Variants in HECTD3 observed in about 807,000 individuals in gnomAD.
HECTD3 encodes the protein E3 ubiquitin-protein ligase HECTD3.
Under a neutral mutation model 109.3 loss-of-function variants are expected in HECTD3, and 72 were observed. The observed-to-expected ratio is 0.66, with a 90% confidence interval of 0.54 to 0.80. The LOEUF (loss-of-function observed/expected upper bound fraction) is 0.80. Ranked by LOEUF, HECTD3 falls within the 30% of genes least tolerant of loss-of-function variation. HECTD3 has a pLI of 0.00. For synonymous variants in HECTD3, 481 were observed against 471.8 expected (o/e 1.02, Z -0.25); for missense variants, 1,041 against 1,165.2 (o/e 0.89, Z 1.55).
chr1:45,003,865 C>G lies in HECTD3; in HGVS notation c.2419G>C (p.Asp807His). 1 of 1,613,148 alleles carries G rather than the reference C, an allele frequency of 6.2e-7. No homozygotes were observed. The highest frequency in any genetic ancestry group is 8.5e-7 in the Non-Finnish European group (1 of 1,179,438). Reference protein sequence around the residue: ...RLPARIYIYPDKLGYETTDAL... With the variant: ...RLPARIYIYPHKLGYETTDAL... ...CCCTCCAGCACTCACCCCAGCTTGT[C>G]TGGGTAGATGTAGATCCGTGCTGGC... is the stretch of plus-strand genomic sequence containing the variant. The change falls in exon 19 of 21, where the codon GAC becomes CAC. Residue 807 changes from aspartate to histidine, a missense_variant. Around this residue, in one of 2 missense-constraint regions of HECTD3, gnomAD observed 569 missense variants for 715.3 expected, o/e 0.80. Coordinates refer to ENST00000372172, the MANE Select transcript of HECTD3 (RefSeq NM_024602.6). The surrounding 1 kb of genome is among the most constrained non-coding windows in gnomAD (Gnocchi z 4.7).
At chr1:45,007,139 TGTGTGTG>T (rs1489193594) in intron 11 of HECTD3, 73 bp downstream of exon 11, 256 of 1,393,448 alleles carry the variant, frequency 1.8e-4, no homozygotes, top group Middle Eastern at 3.8e-4. Context: ...TGTGTGTGTG[TGTGTGTG>T]TGTGTGTGTG....
chr1:45,007,572 C>G lies in HECTD3; in HGVS notation c.1344G>C (p.Leu448=). The G allele has an allele frequency of 6.2e-7, 1 of 1,611,902 alleles. No individual in the cohort carries two copies. The highest frequency in any genetic ancestry group is 8.5e-7 in the Non-Finnish European group (1 of 1,179,980). ...CCACCAGGCCTGGCCGCTGGCGGGACAGCAGTAGGAACTGCTTCACTTGCT... is the reference window on the plus strand; with the variant it reads ...CCACCAGGCCTGGCCGCTGGCGGGAGAGCAGTAGGAACTGCTTCACTTGCT... ...EIKQVKQFLL[L]SRQRPGLVAQ... is the part of the protein sequence containing the mutation. Residue 448 remains leucine (L), a synonymous_variant, in exon 10 of 21, where the codon CTG becomes CTC. Transcript: ENST00000372172.
intron 16 of HECTD3, 81 bp from the exon 17 acceptor site, chr1:45,004,458 T>C (rs7528534): frequency 0.93 from 1,488,583 of 1,607,278 alleles, 690,004 homozygotes; most frequent in Middle Eastern, 0.96. Flanking sequence ...TGTGGCCTTT[T>C]AGCAGCAGAA....
chr1:45,009,840 T>A, intron 4 of HECTD3, 146 bp downstream of exon 4: 2 of 1,148,184 alleles, frequency 1.7e-6, no homozygotes, highest in Non-Finnish European at 2.5e-6. Flanking sequence ...AGGGGTCCTA[T>A]AGACGTCCAA....
Position 45,009,139 on chromosome 1 carries a change from C to T in HECTD3, c.1072+5G>A. The T allele has an allele frequency of 6.2e-7, 1 of 1,613,026 alleles. No homozygotes were observed. The highest frequency in any genetic ancestry group is 8.5e-7 in the Non-Finnish European group (1 of 1,179,000). On this transcript the variant is annotated splice_donor_5th_base_variant and intron_variant, in intron 7 of 20. Coordinates refer to ENST00000372172, the MANE Select transcript of HECTD3 (RefSeq NM_024602.6). Reference sequence around the variant, plus strand: ...TCTTTCCCTCCTTATAGCCTTAAACCTCACCTCGGCACTCCACGATGCGGA... The same window carrying T: ...TCTTTCCCTCCTTATAGCCTTAAACTTCACCTCGGCACTCCACGATGCGGA...
rs1236530805 is a variant in HECTD3 at position 45,007,269 on chromosome 1, T to C, written c.1506A>G (p.Val502=). The C allele has an allele frequency of 1.9e-6, 3 of 1,613,232 alleles. No individual in the cohort carries two copies. Among genetic ancestry groups the C allele is most frequent in the East Asian group, 2.2e-5 (1 of 44,860 alleles). Residue 502 remains valine, a splice_region_variant and synonymous_variant, in exon 11 of 21, where the codon GTA becomes GTG. Coordinates refer to ENST00000372172, the MANE Select transcript of HECTD3 (RefSeq NM_024602.6). ...TGTCAGAGGGCTTGAGGCCTTCATATACCTGGAGGCAAGGAGGAAAGGAGT... is the reference window on the plus strand; with the variant it reads ...TGTCAGAGGGCTTGAGGCCTTCATACACCTGGAGGCAAGGAGGAAAGGAGT... ...PACKNAVFTQ[V]YEGLKPSDKY...
At chr1:45,009,783 T>G (rs1462542006) in intron 4 of HECTD3, 100 bp from the exon 5 acceptor site, 7 of 1,137,912 alleles carry the variant, frequency 6.2e-6, no homozygotes, top group Non-Finnish European at 9.0e-6. Flanking sequence ...ATAGTGAAGT[T>G]GGGCTAACAG....
chr1:45,003,595 G>GC lies in HECTD3; in HGVS notation c.2502-20_2502-19insG, dbSNP rs760703648. ...CTTGGCACTGTGGGAATGGGGACTT[G>GC]GTCAGGTCCCTACATCGCTACCAGG... On this transcript the variant is annotated intron_variant, in intron 20 of 20. Coordinates refer to ENST00000372172, the MANE Select transcript of HECTD3 (RefSeq NM_024602.6). This position sits in a 1 kb window ranked among gnomAD's most constrained non-coding sequence, Gnocchi z 4.7. The GC allele has an allele frequency of 6.2e-7, 1 of 1,613,932 alleles. No homozygotes were observed. The highest frequency in any genetic ancestry group is 8.5e-7 in the Non-Finnish European group (1 of 1,179,808).
At chr1:45,007,749 C>T (rs908442338) in intron 9 of HECTD3, among the ~76,000 whole-genome samples, 154 bp from the exon 10 acceptor site, 6 of 152,188 alleles carry the variant, frequency 3.9e-5, no homozygotes, top group African/African-American at 1.4e-4. Context: ...TTAGTTCAGC[C>T]ACCAGGGAGA....
rs1644791911 is a variant in HECTD3, at chr1:45,011,310, G to A, written c.-53C>T. 17 of 1,350,080 alleles carry A rather than the reference G, an allele frequency of 1.3e-5. No homozygotes were observed. Among genetic ancestry groups the A allele is most frequent in the South Asian group, 1.8e-5 (1 of 55,460 alleles). 83.6% of individuals were successfully genotyped at this position (1,350,080 alleles called of 1,614,324 possible). A position where few individuals can be genotyped will look rare whatever the true frequency, so the allele number is the denominator to read the frequency against. On this transcript the variant is annotated 5_prime_UTR_variant, in exon 1 of 21. Coordinates refer to ENST00000372172, the MANE Select transcript of HECTD3 (RefSeq NM_024602.6). ...AGGCGACCCTGCCCGGGGAACAGCT[G>A]GCGCGACCGCGGACAGAGCTTCCCA... is the stretch of plus-strand genomic sequence containing the variant.
chr1:45,010,479 T>G, intron 2 of HECTD3, 67 bp downstream of exon 2: 4 of 1,594,874 alleles, frequency 2.5e-6, no homozygotes, highest in South Asian at 1.1e-5. Flanking sequence ...AGGCTGTGGC[T>G]GAAGTGTTCC....
In HECTD3 at chr1:45,011,015, G is replaced by C; in HGVS notation, c.243C>G (p.Ala81=). Residue 81 remains alanine, a synonymous_variant, in exon 1 of 21, where the codon GCC becomes GCG. Coordinates refer to ENST00000372172, the MANE Select transcript of HECTD3 (RefSeq NM_024602.6). ...LGLRVGAAGP[A]PGTGSGPLRA... ...GGAGGGGCCCGGAGCCGGTACCGGG[G>C]GCTGGGCCTGCGGCGCCCACACGCA... The C allele has an allele frequency of 4.2e-6, 6 of 1,433,738 alleles. No individual in the cohort carries two copies. The highest frequency in any genetic ancestry group is 5.4e-6 in the Non-Finnish European group (6 of 1,102,980). 88.8% of individuals were successfully genotyped at this position (1,433,738 alleles called of 1,614,324 possible).
rs554259370 is a variant in HECTD3, at chr1:45,004,581, A to G, written c.2142+19T>C. On this transcript the variant is annotated intron_variant, in intron 16 of 20. Transcript: ENST00000372172. Reference sequence around the variant, plus strand: ...AGGAGGGGCCAAAGCTCTCTGCTCTACTAGCCTCTGGGTACTACCTGCTCC... The same window carrying G: ...AGGAGGGGCCAAAGCTCTCTGCTCTGCTAGCCTCTGGGTACTACCTGCTCC... 3.0e-5 allele frequency: 49 copies of G among 1,613,294 alleles called. No homozygotes were observed. Among genetic ancestry groups the G allele is most frequent in the Non-Finnish European group, 4.2e-5 (49 of 1,179,740 alleles).
chr1:45,007,198 T>A, intron 11 of HECTD3, 21 bp downstream of exon 11: 1 of 1,600,994 alleles, frequency 6.2e-7, no homozygotes, highest in Non-Finnish European at 8.6e-7. Context: ...CCCGAGTAAG[T>A]CCCTCACTCT....
chr1:45,008,797 C>T, intron 7 of HECTD3, 96 bp from the exon 8 acceptor site: 1 of 1,186,362 alleles, frequency 8.4e-7, no homozygotes, highest in South Asian at 1.3e-5. Context: ...AGCCTTGTGT[C>T]ACCGTTAGCC....
chr1:45,004,808 T>C lies in HECTD3; in HGVS notation c.1936-2A>G, dbSNP rs1456049433. Reference sequence around the variant, plus strand: ...TTCCATCACTTCCAGGAGCTTCACCTAGGGGTTGGAGAGAGGCAGGGAGGT... The same window carrying C: ...TTCCATCACTTCCAGGAGCTTCACCCAGGGGTTGGAGAGAGGCAGGGAGGT... On this transcript the variant is annotated splice_acceptor_variant, in intron 15 of 20. Transcript: ENST00000372172. LOFTEE classifies it high-confidence loss of function. 3.1e-6 allele frequency: 5 copies of C among 1,613,730 alleles called. No homozygotes were observed. The highest frequency in any genetic ancestry group is 3.4e-6 in the Non-Finnish European group (4 of 1,179,758).
At chr1:45,010,811 G>C in intron 1 of HECTD3, 78 bp downstream of exon 1, 5 of 1,508,422 alleles carry the variant, frequency 3.3e-6, no homozygotes, top group Non-Finnish European at 4.4e-6. Flanking sequence ...ACTCAATACA[G>C]GGGAGAAAAG....
intron 3 of HECTD3, 37 bp downstream of exon 3, chr1:45,010,164 G>A: frequency 6.2e-7 from 1 of 1,613,876 alleles, no homozygotes; most frequent in South Asian, 1.1e-5. Flanking sequence ...CCCAGACGCA[G>A]AGCTCCTTCC....
rs1400855996 is a variant in HECTD3 at position 45,002,806 on chromosome 1, G to C, written c.*686C>G. On this transcript the variant is annotated 3_prime_UTR_variant, in exon 21 of 21. Coordinates refer to ENST00000372172, the MANE Select transcript of HECTD3 (RefSeq NM_024602.6). ...CAGGCTGGAGGTGATGGAGAAGTGA[G>C]GAATATGGGGAGGTCGTGGTAGTAG... is the stretch of plus-strand genomic sequence containing the variant. 6.5e-6 allele frequency: 1 copy of C among 153,302 alleles called. No individual in the cohort carries two copies. The highest frequency in any genetic ancestry group is 1.5e-5 in the Non-Finnish European group (1 of 68,680). 9.5% of individuals were successfully genotyped at this position (153,302 alleles called of 1,614,324 possible).
Sources: allele counts gnomAD v4.1 joint callset (sites outside exome capture counted in the v4.1 genomes callset), GRCh38; gene constraint gnomAD v4.1.1; regional missense constraint gnomAD v4.1.1; non-coding constraint Gnocchi (gnomAD v3.1); transcripts MANE v1.5; gene names NCBI Gene and HGNC (gene_info 2026-07-23, HGNC 2026-07-21).